The following HYLS1 variants were observed in gnomAD, a reference collection of about 807,000 sequenced individuals.
HYLS1 encodes the protein centriolar and ciliogenesis-associated protein HYLS1.
A neutral mutation model predicts 29.4 loss-of-function variants in HYLS1; 25 were observed. The observed-to-expected ratio is 0.85, with a 90% CI of 0.62 to 1.19. The LOEUF is 1.19. Ranked by LOEUF, HYLS1 falls within the 50% of genes most tolerant of loss-of-function variation. The pLI is 0.00. For synonymous variants in HYLS1, 128 were observed against 126.7 expected (o/e 1.01, Z -0.07); for missense variants, 352 against 365.1 (o/e 0.96, Z 0.29).
At chr11:125,895,985 A>G (rs753044860) in intron 2 of HYLS1, 11 of 1,614,084 alleles carry the variant, frequency 6.8e-6, no homozygotes, top group Non-Finnish European at 9.3e-6. Context: ...CTACTAGTCG[A>G]GTCTTGGTTA....
intron 2 of HYLS1, chr11:125,895,434 T>G (rs753425638): frequency 6.2e-7 from 1 of 1,614,082 alleles, no homozygotes; most frequent in Admixed American, 1.7e-5. Context: ...TAGCTGTACT[T>G]GAGCAGATAG....
intron 1 of HYLS1, 77 bp downstream of exon 1, chr11:125,887,842 C>T (rs1944334438): frequency 1.3e-5 from 2 of 149,996 alleles, no homozygotes; most frequent in South Asian, 4.2e-4. Context: ...GGAGCCCTCG[C>T]TCCTTTTCCC....
chr11:125,900,044 A>G lies in HYLS1; in HGVS notation c.676A>G (p.Ile226Val), dbSNP rs1014450856. 5 of 1,614,110 alleles carry G rather than the reference A, an allele frequency of 3.1e-6. No homozygotes were observed. The highest frequency in any genetic ancestry group is 2.7e-5 in the African/African-American group (2 of 74,940). The change falls in exon 3 of 3, where the codon ATA (isoleucine) becomes GTA (valine). Residue 226 changes from isoleucine (I) to valine (V), a missense_variant. Coordinates refer to ENST00000425380, the MANE Select transcript of HYLS1 (RefSeq NM_001134793.2). ...TGAGTACAAACGGGACTGGGACTCA[A>G]TACGTTTACCTGGTGAAGATCATAG... ...YFEYKRDWDS[I>V]RLPGEDHRKE...
upstream of HYLS1, among the ~76,000 whole-genome samples, chr11:125,885,329 T>C (rs1041957190): frequency 5.3e-5 from 8 of 152,110 alleles, no homozygotes; most frequent in African/African-American, 1.9e-4. Flanking sequence ...CACACGCCTG[T>C]AGTCCCAGCT....
At chr11:125,892,443 G>GT (rs1442597286) in intron 2 of HYLS1, among the ~76,000 whole-genome samples, 1 of 152,186 alleles carries the variant, frequency 6.6e-6, no homozygotes, top group Non-Finnish European at 1.5e-5. Context: ...GTGTTCACAA[G>GT]TAATATTTTG....
chr11:125,885,152 A>G (rs1056746115), upstream of HYLS1, among the ~76,000 whole-genome samples: 1 of 152,180 alleles, frequency 6.6e-6, no homozygotes, highest in African/African-American at 2.4e-5. Flanking sequence ...AATAAAAAGG[A>G]TAACAGAAAC....
Position 125,899,957 on chromosome 11 carries a change from C to T in HYLS1, c.589C>T (p.Leu197Phe), listed in dbSNP as rs192439596. Residue 197 changes from leucine to phenylalanine, a missense_variant, in exon 3 of 3, where the codon CTC becomes TTC. Leu to Phe is a conservative substitution (Grantham distance 22). Transcript: ENST00000425380. ...TGCCAGCAGACCCAAGTCCTTTATT[C>T]TCCCAAAGCTGGACCAGTTAAGCCG... The part of the protein sequence containing the change: ...IVASRPKSFI[L>F]PKLDQLSRNR... The T allele has an allele frequency of 1.9e-5, 30 of 1,614,240 alleles. No homozygotes were observed. The East Asian group carries it at 5.1e-4, about 28-fold the overall frequency.
At chr11:125,885,901 C>T (rs1388485336), upstream of HYLS1, among the ~76,000 whole-genome samples, 1 of 151,940 alleles carries the variant, frequency 6.6e-6, no homozygotes, top group African/African-American at 2.4e-5. Flanking sequence ...GAATCTAATG[C>T]CTGATGATCT....
intron 2 of HYLS1, chr11:125,895,389 T>A: frequency 6.2e-7 from 1 of 1,614,198 alleles, no homozygotes; most frequent in South Asian, 1.1e-5. Context: ...CTGGAAAGGT[T>A]CTTGCCATCT....
intron 2 of HYLS1, among the ~76,000 whole-genome samples, chr11:125,894,920 G>C (rs1216364878): frequency 1.3e-5 from 2 of 152,160 alleles, no homozygotes; most frequent in Non-Finnish European, 2.9e-5. Flanking sequence ...AGAACAATGA[G>C]AGGAAATTAA....
In HYLS1 at chr11:125,899,627, C is replaced by A. The variant is rs768247584; in HGVS notation, c.259C>A (p.Gln87Lys). Residue 87 changes from glutamine to lysine, a missense_variant, in exon 3 of 3, where the codon CAA (glutamine) becomes AAA (lysine). By Grantham distance (53) the Gln-to-Lys change is moderately conservative. Coordinates refer to ENST00000425380, the MANE Select transcript of HYLS1 (RefSeq NM_001134793.2). ...VPSETVSEAS[Q>K]RLRKPVMKRK... ...TTCAGAAACAGTCTCTGAGGCCTCC[C>A]AAAGACTCCGAAAGCCAGTGATGAA... 1.4e-5 allele frequency: 23 copies of A among 1,614,150 alleles called. 1 individual carries two copies. In the South Asian group the frequency reaches 2.1e-4, roughly 15 times the overall value.
In HYLS1 at chr11:125,900,038, G is replaced by C; in HGVS notation, c.670G>C (p.Asp224His). The stretch of plus-strand genomic sequence containing the variant: ...GTATTTTGAGTACAAACGGGACTGG[G>C]ACTCAATACGTTTACCTGGTGAAGA... ...ARYFEYKRDW[D>H]SIRLPGEDHR... The change falls in exon 3 of 3, where the codon GAC becomes CAC. Residue 224 changes from aspartate (D) to histidine (H), a missense_variant. By Grantham distance (81) the Asp-to-His change is moderately conservative. Coordinates refer to ENST00000425380, the MANE Select transcript of HYLS1 (RefSeq NM_001134793.2). The C allele has an allele frequency of 1.2e-6, 2 of 1,614,212 alleles. No individual in the cohort carries two copies. Among genetic ancestry groups the C allele is most frequent in the Non-Finnish European group, 1.7e-6 (2 of 1,180,038 alleles).
intron 2 of HYLS1, chr11:125,896,444 A>G (rs552750): frequency 0.84 from 597,174 of 711,474 alleles, 252,471 homozygotes; most frequent in East Asian, 0.9. Flanking sequence ...CTTTTCCAGG[A>G]ATACAAGCAT....
At chr11:125,888,646 G>T (rs1018245990) in intron 1 of HYLS1, among the ~76,000 whole-genome samples, 6 of 152,026 alleles carry the variant, frequency 3.9e-5, no homozygotes, top group African/African-American at 1.4e-4. Flanking sequence ...GCGGGCGCCT[G>T]TAGTCCCAGC....
chr11:125,886,173 T>C (rs1051520298), upstream of HYLS1, among the ~76,000 whole-genome samples: 2 of 151,484 alleles, frequency 1.3e-5, no homozygotes, highest in African/African-American at 2.4e-5. Flanking sequence ...ACTAAAGGAG[T>C]GTTATGATAT....
At position 125,899,900 on chromosome 11, in the gene HYLS1, G is replaced by A; in HGVS notation, c.532G>A (p.Gly178Ser). Residue 178 changes from glycine (G) to serine (S), a missense_variant, in exon 3 of 3, where the codon GGC becomes AGC. Transcript: ENST00000425380. Reference protein sequence around the residue: ...LICSLQREGMGSPAYEQDLIV... With the variant: ...LICSLQREGMSSPAYEQDLIV... ...TTGCTCTCTACAAAGAGAAGGAATG[G>A]GCTCTCCAGCTTACGAACAAGACCT... 1.9e-6 allele frequency: 3 copies of A among 1,614,140 alleles called. No individual in the cohort carries two copies. The highest frequency in any genetic ancestry group is 2.5e-6 in the Non-Finnish European group (3 of 1,180,022).
chr11:125,884,630 A>C (rs1251466975), upstream of HYLS1, among the ~76,000 whole-genome samples: 1 of 152,162 alleles, frequency 6.6e-6, no homozygotes, highest in Non-Finnish European at 1.5e-5. Context: ...AACAAACAAA[A>C]ATAGTATTAT....
intron 1 of HYLS1, among the ~76,000 whole-genome samples, chr11:125,888,760 CTCT>C (rs1565448527): frequency 9.7e-5 from 2 of 20,684 alleles, no homozygotes; most frequent in African/African-American, 4.6e-4. Flanking sequence ...CCGAGCAAGA[CTCT>C]TGTCTCAAAA....
At chr11:125,883,961 A>G (rs1944265223), upstream of HYLS1, 1 of 152,236 alleles carries the variant, frequency 6.6e-6, no homozygotes, top group Non-Finnish European at 1.5e-5. Context: ...GAGTTGATAA[A>G]CCAACAACAC....
Sources: allele counts gnomAD v4.1 joint callset (sites outside exome capture counted in the v4.1 genomes callset), GRCh38; gene constraint gnomAD v4.1.1; transcripts MANE v1.5; gene names NCBI Gene and HGNC (gene_info 2026-07-23, HGNC 2026-07-21).